KIAA0825: variants seen among roughly 807,000 people sequenced by gnomAD.
KIAA0825 encodes KIAA0825.
In KIAA0825, 119 loss-of-function variants were observed where a neutral mutation model predicts 147.6. The observed-to-expected ratio is 0.81, with a 90% CI of 0.69 to 0.94. KIAA0825 has a LOEUF of 0.94. KIAA0825 is among the 40% of genes least tolerant of loss of function. The pLI, the probability that KIAA0825 is intolerant of heterozygous loss-of-function variation, is 0.00. For synonymous variants in KIAA0825, 470 were observed against 518.1 expected (o/e 0.91, Z 1.26); for missense variants, 1,381 against 1,472.7 (o/e 0.94, Z 1.02).
At chr5:94,280,481 AT>A (rs2150153795) in intron 20 of KIAA0825, among the ~76,000 whole-genome samples, 1 of 152,160 alleles carries the variant, frequency 6.6e-6, no homozygotes, top group African/African-American at 2.4e-5. Flanking sequence ...GAGATTTGCC[AT>A]TTTAGTGGGA....
In KIAA0825 at chr5:94,152,465, A is replaced by G. The variant is rs1214702165; in HGVS notation, c.*1542T>C. On this transcript the variant is annotated 3_prime_UTR_variant, in exon 21 of 21. Transcript: ENST00000682413. ...GGCTTTGAGAGACAGAGAGGGGAAGATCACTTGAGGTAGGGAGTTCAAGTC... is the reference window on the plus strand; with the variant it reads ...GGCTTTGAGAGACAGAGAGGGGAAGGTCACTTGAGGTAGGGAGTTCAAGTC... 6.6e-6 allele frequency among the ~76,000 whole-genome samples: 1 copy of G among 152,062 alleles called. No individual in the cohort carries two copies. Among genetic ancestry groups the G allele is most frequent in the Non-Finnish European group, 1.5e-5 (1 of 68,030 alleles).
intron 20 of KIAA0825, among the ~76,000 whole-genome samples, chr5:94,305,312 G>GCA (rs138363695): frequency 6.6e-6 from 1 of 151,422 alleles, no homozygotes; most frequent in Non-Finnish European, 1.5e-5. Flanking sequence ...ACACACATAT[G>GCA]CACACACACA....
intron 20 of KIAA0825, among the ~76,000 whole-genome samples, chr5:94,373,708 G>A (rs1464879133): frequency 6.6e-6 from 1 of 152,084 alleles, no homozygotes; most frequent in Non-Finnish European, 1.5e-5. Flanking sequence ...AATTCAAGAT[G>A]AGATTTGGGT....
intron 20 of KIAA0825, among the ~76,000 whole-genome samples, chr5:94,215,724 C>T (rs915993925): frequency 2.0e-5 from 3 of 152,042 alleles, no homozygotes; most frequent in African/African-American, 7.2e-5. Context: ...TCCTGAAAAA[C>T]TTTCCTCCCT....
chr5:94,365,160 T>C (rs934541785), intron 20 of KIAA0825, among the ~76,000 whole-genome samples: 3 of 152,194 alleles, frequency 2.0e-5, no homozygotes, highest in Non-Finnish European at 4.4e-5. Flanking sequence ...ACTCCATGCA[T>C]GGATGTGCAT....
intron 5 of KIAA0825, 171 bp downstream of exon 5, chr5:94,520,077 C>A: frequency 8.8e-7 from 1 of 1,134,442 alleles, no homozygotes; most frequent in East Asian, 3.0e-5. Context: ...ACTTTTATAA[C>A]TACAATTATA....
intron 20 of KIAA0825, among the ~76,000 whole-genome samples, chr5:94,184,002 T>C (rs1769896823): frequency 6.6e-6 from 1 of 152,174 alleles, no homozygotes; most frequent in Non-Finnish European, 1.5e-5. Context: ...CACTTGTGAT[T>C]GGCATCCAAA....
At chr5:94,492,219 A>T (rs1208965346) in intron 5 of KIAA0825, among the ~76,000 whole-genome samples, 1 of 152,224 alleles carries the variant, frequency 6.6e-6, no homozygotes, top group Non-Finnish European at 1.5e-5. Flanking sequence ...GCTAACACAC[A>T]GAAGCTGTAG....
chr5:94,203,912 T>C (rs1185382002), intron 20 of KIAA0825, among the ~76,000 whole-genome samples: 1 of 152,094 alleles, frequency 6.6e-6, no homozygotes, highest in Non-Finnish European at 1.5e-5. Context: ...GCTTCTATCA[T>C]GAAAATGTTA....
At chr5:94,294,918 G>A (rs1053099382) in intron 20 of KIAA0825, among the ~76,000 whole-genome samples, 1 of 152,062 alleles carries the variant, frequency 6.6e-6, no homozygotes, top group Non-Finnish European at 1.5e-5. Context: ...CTCTCCTCAA[G>A]GAGTATCTTT....
intron 5 of KIAA0825, chr5:94,519,496 C>T: frequency 1.3e-6 from 1 of 741,846 alleles, no homozygotes. Context: ...ATCACAATAA[C>T]TTCTTTCCTT....
intron 5 of KIAA0825, among the ~76,000 whole-genome samples, chr5:94,497,658 C>A (rs1764542618): frequency 1.3e-5 from 2 of 152,280 alleles, no homozygotes; most frequent in South Asian, 2.1e-4. Flanking sequence ...ATGGCAAAAA[C>A]CACAATTACT....
At position 94,249,799 on chromosome 5, in the gene KIAA0825, GTT is replaced by G. The variant is rs3080905; in HGVS notation, c.3711-95677_3711-95676del. Among the ~76,000 whole-genome samples, 1,068 of 132,756 alleles carry G rather than the reference GTT, an allele frequency of 8.0e-3. 16 individuals are homozygous for G. Among genetic ancestry groups the G allele is most frequent in the South Asian group, 0.011 (47 of 4,160 alleles). 87.1% of individuals were successfully genotyped at this position (132,756 alleles called of 152,430 possible). A position where few individuals can be genotyped will look rare whatever the true frequency, so the allele number is the denominator to read the frequency against. On this transcript the variant is annotated intron_variant, in intron 20 of 20. Coordinates refer to ENST00000682413, the MANE Select transcript of KIAA0825 (RefSeq NM_001145678.3). ...TTTTCCCCAATATTTTGCTCTGCTG[GTT>G]TTTTTTTTTTTTGCTAATTTATTTA...
At chr5:94,523,815 CTA>C (rs1448587546) in intron 4 of KIAA0825, 113 bp downstream of exon 4, 1 of 591,210 alleles carries the variant, frequency 1.7e-6, no homozygotes, top group African/African-American at 1.9e-5. Flanking sequence ...ACACAAACCC[CTA>C]TGTATGGCAG....
intron 20 of KIAA0825, among the ~76,000 whole-genome samples, chr5:94,227,967 TAA>T (rs149638031): frequency 6.6e-6 from 1 of 151,178 alleles, no homozygotes; most frequent in Non-Finnish European, 1.5e-5. Context: ...TGTATAATAA[TAA>T]AAAAAAATTT....
At chr5:94,502,201 T>C (rs577354591) in intron 5 of KIAA0825, among the ~76,000 whole-genome samples, 3 of 152,262 alleles carry the variant, frequency 2.0e-5, no homozygotes, top group Non-Finnish European at 4.4e-5. Context: ...TACACATACA[T>C]ACATACATAC....
At chr5:94,444,331 G>T (rs1757472636) in intron 13 of KIAA0825, among the ~76,000 whole-genome samples, 1 of 152,126 alleles carries the variant, frequency 6.6e-6, no homozygotes, top group South Asian at 2.1e-4. Context: ...ATCAGGCAAA[G>T]AAAGGAATTA....
chr5:94,374,270 C>A (rs893395498), intron 20 of KIAA0825, among the ~76,000 whole-genome samples: 1 of 152,102 alleles, frequency 6.6e-6, no homozygotes, highest in Admixed American at 6.5e-5. Context: ...CTTATTATAC[C>A]TTTCTTTCAT....
At chr5:94,488,759 GA>G (rs1554291847) in intron 5 of KIAA0825, among the ~76,000 whole-genome samples, 4 of 152,072 alleles carry the variant, frequency 2.6e-5, no homozygotes, top group Non-Finnish European at 5.9e-5. Flanking sequence ...TAGATTATAC[GA>G]AAAGGGTTCT....
Sources: gnomAD v4.1 joint callset for allele counts (sites outside exome capture counted in the v4.1 genomes callset) on GRCh38, gnomAD v4.1.1 for gene constraint, MANE v1.5 for transcripts, NCBI Gene and HGNC (gene_info 2026-07-23, HGNC 2026-07-21) for gene names.